The following EEA1 variants were observed in gnomAD, a reference collection of about 807,000 sequenced individuals.
EEA1 encodes the protein early endosome antigen 1.
A neutral mutation model predicts 209.2 loss-of-function variants in EEA1; 111 were observed. The ratio of observed to expected loss-of-function variants is 0.53; its 90% CI spans 0.45 to 0.62. The LOEUF is 0.62. Among genes scored for constraint, EEA1 ranks in the 20% least tolerant of loss-of-function variants. The pLI, the probability that EEA1 is intolerant of heterozygous loss-of-function variation, is 0.00. For missense variants in EEA1, 1,343 were observed against 1,530.8 expected (o/e 0.88, Z 2.05); for synonymous variants, 536 against 540.6 (o/e 0.99, Z 0.12).
At chr12:92,869,735 A>C in intron 2 of EEA1, among the ~76,000 whole-genome samples, 1 of 126,730 alleles carries the variant, frequency 7.9e-6, no homozygotes, top group African/African-American at 3.0e-5. Context: ...CCTGGGTGAC[A>C]CAGTGAGATT....
chr12:92,884,467 T>C (rs1879295961), intron 2 of EEA1: 7 of 1,475,088 alleles, frequency 4.7e-6, no homozygotes, highest in East Asian at 4.5e-5. Flanking sequence ...GCAGTGGGGA[T>C]GGCTATAATG....
At chr12:92,857,394 A>C in intron 4 of EEA1, 37 bp downstream of exon 4, 1 of 1,571,546 alleles carries the variant, frequency 6.4e-7, no homozygotes, top group Non-Finnish European at 8.6e-7. Context: ...TATCTGAAAC[A>C]CTGAAAATAA....
intron 9 of EEA1, among the ~76,000 whole-genome samples, chr12:92,843,725 A>T (rs1321276646): frequency 2.0e-5 from 3 of 152,132 alleles, no homozygotes; most frequent in Admixed American, 2.0e-4. Flanking sequence ...TAAAGTTACA[A>T]TCATTTCCAG....
intron 21 of EEA1, 33 bp downstream of exon 21, chr12:92,798,859 C>A: frequency 6.8e-7 from 1 of 1,469,496 alleles, no homozygotes; most frequent in Non-Finnish European, 9.0e-7. Flanking sequence ...CCAAGTTTTT[C>A]TTCCTATAAA....
At chr12:92,904,515 GCA>G (rs1880287426) in intron 1 of EEA1, among the ~76,000 whole-genome samples, 1 of 152,160 alleles carries the variant, frequency 6.6e-6, no homozygotes, top group African/African-American at 2.4e-5. Flanking sequence ...TCTGGAATTA[GCA>G]CAGACCTCAC....
chr12:92,889,380 C>T (rs1197602723), intron 2 of EEA1, among the ~76,000 whole-genome samples: 1 of 151,424 alleles, frequency 6.6e-6, no homozygotes, highest in East Asian at 1.9e-4. Flanking sequence ...AAGTTAAATC[C>T]AAACTAAGGC....
intron 10 of EEA1, among the ~76,000 whole-genome samples, chr12:92,838,042 C>A (rs1225776722): frequency 2.6e-5 from 4 of 152,150 alleles, no homozygotes; most frequent in African/African-American, 9.7e-5. Flanking sequence ...CAGAGAAACC[C>A]TTTGGGAAAA....
At chr12:92,826,010 T>G (rs1290029593) in intron 13 of EEA1, among the ~76,000 whole-genome samples, 156 bp downstream of exon 13, 1 of 152,020 alleles carries the variant, frequency 6.6e-6, no homozygotes, top group African/African-American at 2.4e-5. Context: ...ACTTCAAAGT[T>G]ATCAAAATCC....
At chr12:92,928,641 C>A (rs1269604191) in intron 1 of EEA1, among the ~76,000 whole-genome samples, 1 of 152,056 alleles carries the variant, frequency 6.6e-6, no homozygotes, top group East Asian at 1.9e-4. Flanking sequence ...GCGAAGCAAG[C>A]CGCCCGAATC....
chr12:92,890,805 C>A (rs764140521), intron 2 of EEA1, among the ~76,000 whole-genome samples: 1 of 152,040 alleles, frequency 6.6e-6, no homozygotes, highest in Non-Finnish European at 1.5e-5. Context: ...AAAAAATAAA[C>A]ACATGGTCAG....
chr12:92,830,410 G>T (rs1472262577), intron 11 of EEA1, among the ~76,000 whole-genome samples: 1 of 152,018 alleles, frequency 6.6e-6, no homozygotes, highest in Admixed American at 6.6e-5. Context: ...ACTTTTAAGT[G>T]AGAACATGTG....
chr12:92,919,493 A>C (rs1880899378), intron 1 of EEA1, among the ~76,000 whole-genome samples: 1 of 143,834 alleles, frequency 7.0e-6, no homozygotes, highest in African/African-American at 2.6e-5. Flanking sequence ...CAAAGACAAA[A>C]ACCACATGAT....
chr12:92,820,788 C>T (rs570944670), intron 13 of EEA1, among the ~76,000 whole-genome samples: 6 of 150,898 alleles, frequency 4.0e-5, no homozygotes, highest in African/African-American at 7.3e-5. Context: ...CACACACACA[C>T]ATATATATAT....
chr12:92,839,646 A>G (rs538962036), intron 10 of EEA1, among the ~76,000 whole-genome samples: 10 of 152,344 alleles, frequency 6.6e-5, no homozygotes, highest in African/African-American at 2.4e-4. Flanking sequence ...GTCATTTTTC[A>G]TAAGAAATGC....
At chr12:92,869,752 CAAAAAAAAAAAAAAAAAAA>C (rs71069185) in intron 2 of EEA1, among the ~76,000 whole-genome samples, 1,789 of 26,862 alleles carry the variant, frequency 0.067, 73 homozygotes, top group African/African-American at 0.19. Flanking sequence ...GATTCTGCCT[CAAAAAAAAAAAAAAAAAAA>C]AAAAAAAAAA....
intron 1 of EEA1, among the ~76,000 whole-genome samples, chr12:92,909,747 T>C (rs1460952698): frequency 6.6e-6 from 1 of 152,204 alleles, no homozygotes; most frequent in African/African-American, 2.4e-5. Flanking sequence ...CCGAGCATGG[T>C]GGCTGACACC....
At chr12:92,872,206 A>G (rs1348287403) in intron 2 of EEA1, among the ~76,000 whole-genome samples, 1 of 151,842 alleles carries the variant, frequency 6.6e-6, no homozygotes, top group African/African-American at 2.4e-5. Context: ...GTGCCACCAC[A>G]CCTGGCCAAT....
chr12:92,903,113 T>C (rs1880222285), intron 1 of EEA1, among the ~76,000 whole-genome samples: 2 of 151,372 alleles, frequency 1.3e-5, no homozygotes, highest in African/African-American at 4.8e-5. Context: ...TTTTTTTGTA[T>C]TTTTTAGTAG....
chr12:92,881,709 G>A (rs538969091), intron 2 of EEA1, among the ~76,000 whole-genome samples: 1 of 152,156 alleles, frequency 6.6e-6, no homozygotes, highest in South Asian at 2.1e-4. Context: ...AAGCCAGCTT[G>A]GAATAGGATA....
Sources: gnomAD v4.1 joint callset for allele counts (sites outside exome capture counted in the v4.1 genomes callset) on GRCh38, gnomAD v4.1.1 for gene constraint, MANE v1.5 for transcripts, NCBI Gene and HGNC (gene_info 2026-07-23, HGNC 2026-07-21) for gene names.